The following TEK variants were observed in gnomAD, a reference collection of about 807,000 sequenced individuals.
TEK encodes angiopoietin-1 receptor.
TEK carries 43 observed loss-of-function variants against 131.8 expected under a neutral mutation model. That is an observed-to-expected ratio of 0.33 (90% CI 0.26 to 0.42). The LOEUF is 0.42. Ranked by LOEUF, TEK falls within the 10% of genes least tolerant of loss-of-function variation. The probability of loss-of-function intolerance (pLI) is 1.00; values close to 1 mark genes in which losing one functional copy is unlikely to be tolerated. For missense variants in TEK, 1,162 were observed against 1,384.4 expected, an observed-to-expected ratio of 0.84 and a Z score of 2.55; for synonymous variants, 580 against 491.6, an observed-to-expected ratio of 1.18 and a Z score of -2.38.
At chr9:27,208,276 C>T (rs1825472627) in intron 15 of TEK, among the ~76,000 whole-genome samples, 1 of 152,132 alleles carries the variant, frequency 6.6e-6, no homozygotes, top group Non-Finnish European at 1.5e-5. Flanking sequence ...ATGATTGTCA[C>T]AGTTTCTAAG....
intron 1 of TEK, among the ~76,000 whole-genome samples, chr9:27,130,248 A>G (rs1822159998): frequency 6.6e-6 from 1 of 152,216 alleles, no homozygotes; most frequent in Non-Finnish European, 1.5e-5. Flanking sequence ...TTGAGTTTAT[A>G]TAAAATTTAA....
intron 1 of TEK, among the ~76,000 whole-genome samples, chr9:27,150,857 G>T (rs1186988217): frequency 6.6e-6 from 1 of 152,128 alleles, no homozygotes; most frequent in Non-Finnish European, 1.5e-5. Flanking sequence ...TGGCCTAGAT[G>T]GAAAATTTCC....
chr9:27,222,724 G>C (rs1171251943), intron 21 of TEK, among the ~76,000 whole-genome samples: 1 of 152,070 alleles, frequency 6.6e-6, no homozygotes, highest in Non-Finnish European at 1.5e-5. Context: ...ACTCAACATG[G>C]AAAGGAAAAC....
At chr9:27,148,697 A>G (rs1382510703) in intron 1 of TEK, among the ~76,000 whole-genome samples, 1 of 152,220 alleles carries the variant, frequency 6.6e-6, no homozygotes, top group Non-Finnish European at 1.5e-5. Flanking sequence ...ATGGAATGAA[A>G]TGCAAAATAT....
intron 11 of TEK, among the ~76,000 whole-genome samples, chr9:27,195,067 T>C (rs949970930): frequency 1.3e-5 from 2 of 152,184 alleles, no homozygotes; most frequent in Non-Finnish European, 2.9e-5. Context: ...CATTCTCCTT[T>C]GTCATTGCAA....
chr9:27,202,167 C>T lies in TEK; in HGVS notation c.1910-653C>T, dbSNP rs138588552. On this transcript the variant is annotated intron_variant, in intron 12 of 22. Transcript: ENST00000380036. ...CAAGGCATCTCTTTCTCATCCTGCC[C>T]GTGTCCCTGAATGGAATGTGATTCC... Among the ~76,000 whole-genome samples the T allele has an allele frequency of 4.2e-3, 647 of 152,268 alleles. 8 individuals carry two copies. The highest frequency in any genetic ancestry group is 0.015 in the African/African-American group (610 of 41,540).
intron 1 of TEK, among the ~76,000 whole-genome samples, chr9:27,144,027 T>C (rs1217944232): frequency 1.3e-5 from 2 of 152,198 alleles, no homozygotes; most frequent in African/African-American, 2.4e-5. Context: ...CTTACGCCTG[T>C]AATCCCAGCA....
At chr9:27,228,077 T>A in intron 21 of TEK, 129 bp from the exon 22 acceptor site, 1 of 680,168 alleles carries the variant, frequency 1.5e-6, no homozygotes, top group Non-Finnish European at 2.5e-6. Context: ...AGAAACTTCC[T>A]AGGGGCTGTA....
intron 21 of TEK, among the ~76,000 whole-genome samples, chr9:27,221,004 A>G (rs1185546486): frequency 6.6e-6 from 1 of 152,196 alleles, no homozygotes; most frequent in East Asian, 1.9e-4. Context: ...CCATCAAGCT[A>G]AGATCCACTG....
At chr9:27,126,971 A>G (rs756593779) in intron 1 of TEK, among the ~76,000 whole-genome samples, 1 of 152,200 alleles carries the variant, frequency 6.6e-6, no homozygotes, top group East Asian at 1.9e-4. Flanking sequence ...AGCTAGTAAC[A>G]CAACTTTTTT....
chr9:27,169,355 C>A, intron 3 of TEK, 122 bp from the exon 4 acceptor site: 2 of 1,268,878 alleles, frequency 1.6e-6, no homozygotes, highest in African/African-American at 1.5e-5. Context: ...TCTCCCACAT[C>A]CAATATGTGA....
intron 12 of TEK, among the ~76,000 whole-genome samples, chr9:27,199,400 G>T (rs1259621080): frequency 2.0e-5 from 3 of 152,132 alleles, no homozygotes; most frequent in Non-Finnish European, 4.4e-5. Flanking sequence ...CAAGTCCGGT[G>T]GTGGAACTCA....
rs1821245721 is a variant in TEK at position 27,109,464 on chromosome 9, C to T, written c.-127C>T. The stretch of plus-strand genomic sequence containing the variant: ...CCTGCTTCTGTGCTGTTCCTTCTTG[C>T]CTCTAACTTGTAAACAAGACGTAGT... On this transcript the variant is annotated 5_prime_UTR_variant, in exon 1 of 23. Transcript: ENST00000380036. 1 of 939,722 alleles carries T rather than the reference C, an allele frequency of 1.1e-6. No individual in the cohort carries two copies. The highest frequency in any genetic ancestry group is 1.8e-6 in the Non-Finnish European group (1 of 567,472). 58.2% of individuals were successfully genotyped at this position (939,722 alleles called of 1,614,324 possible). A position where few individuals can be genotyped will look rare whatever the true frequency, so the allele number is the denominator to read the frequency against.
chr9:27,191,622 T>G (rs1330921815), intron 10 of TEK, among the ~76,000 whole-genome samples: 1 of 151,946 alleles, frequency 6.6e-6, no homozygotes, highest in Admixed American at 6.6e-5. Flanking sequence ...AGGAGGGTTT[T>G]GGGCTGAATA....
chr9:27,136,316 G>A (rs190864239), intron 1 of TEK, among the ~76,000 whole-genome samples: 1 of 152,068 alleles, frequency 6.6e-6, no homozygotes, highest in Non-Finnish European at 1.5e-5. Flanking sequence ...ACCTGAACTC[G>A]TGATCCACCC....
At position 27,169,505 on chromosome 9, in the gene TEK, T is replaced by C. The variant is rs780338222; in HGVS notation, c.504T>C (p.His168=). 3.7e-6 allele frequency: 6 copies of C among 1,614,002 alleles called. No homozygotes were observed. The highest frequency in any genetic ancestry group is 3.3e-5 in the Admixed American group (2 of 60,004). ...CCTTCATCCATTCAGTGCCCCGGCA[T>C]GAAGTACCTGATATTCTAGAAGTAC... is the stretch of plus-strand genomic sequence containing the variant. ...NGSFIHSVPR[H]EVPDILEVHL... is the part of the protein sequence containing the mutation. The change falls in exon 4 of 23, where the codon CAT becomes CAC. Residue 168 remains histidine (H), a synonymous_variant. Transcript: ENST00000380036.
chr9:27,190,760 G>A (rs1160748058), intron 10 of TEK, 70 bp downstream of exon 10: 21 of 1,590,658 alleles, frequency 1.3e-5, no homozygotes, highest in Non-Finnish European at 1.8e-5. Context: ...TCCAAATCTA[G>A]AAATTCCCTT....
intron 2 of TEK, among the ~76,000 whole-genome samples, chr9:27,166,744 C>G (rs1383203320): frequency 6.6e-6 from 1 of 152,104 alleles, no homozygotes; most frequent in African/African-American, 2.4e-5. Flanking sequence ...AAAGAGCACA[C>G]AGTTTTATGT....
chr9:27,220,592 C>T (rs1432098493), intron 21 of TEK, among the ~76,000 whole-genome samples: 1 of 152,214 alleles, frequency 6.6e-6, no homozygotes, highest in African/African-American at 2.4e-5. Context: ...TCTGCATTTC[C>T]AACTGAGGTA....
Sources: gnomAD v4.1 joint callset for allele counts (sites outside exome capture counted in the v4.1 genomes callset) on GRCh38, gnomAD v4.1.1 for gene constraint, MANE v1.5 for transcripts, NCBI Gene and HGNC (gene_info 2026-07-23, HGNC 2026-07-21) for gene names.